The following PITPNM2 variants were observed in gnomAD, a reference collection of about 807,000 sequenced individuals.
The protein encoded by PITPNM2 is phosphatidylinositol transfer protein membrane associated 2.
PITPNM2 carries 35 observed loss-of-function variants against 132.2 expected under a neutral mutation model. That is an observed-to-expected ratio of 0.26 (90% CI 0.20 to 0.35). The LOEUF (loss-of-function observed/expected upper bound fraction) is 0.35, where lower values mean the gene tolerates loss of function less well. PITPNM2 is among the 10% of genes least tolerant of loss of function. The pLI, the probability that PITPNM2 is intolerant of heterozygous loss-of-function variation, is 1.00. For synonymous variants in PITPNM2, 738 were observed against 799.2 expected (o/e 0.92, Z 1.29); for missense variants, 1,332 against 1,912.0 (o/e 0.70, Z 5.66).
At position 123,052,723 on chromosome 12, in the gene PITPNM2, C is replaced by T; in HGVS notation, c.-95-18038G>A. On this transcript the variant is annotated intron_variant, in intron 2 of 25. Transcript: ENST00000320201. ...CTCCCTTCCATTCTTGGAATAAATC[C>T]TATTTGGTCATGCTGTAATAATATA... 1.3e-5 allele frequency among the ~76,000 whole-genome samples: 2 copies of T among 151,362 alleles called. 1 individual carries two copies. Among genetic ancestry groups the T allele is most frequent in the Non-Finnish European group, 2.9e-5 (2 of 67,926 alleles).
intron 2 of PITPNM2, among the ~76,000 whole-genome samples, chr12:123,057,320 C>T (rs1157702020): frequency 1.3e-5 from 2 of 148,542 alleles, no homozygotes; most frequent in African/African-American, 2.5e-5. Flanking sequence ...GCAGAAGTTG[C>T]GGTGAGCCGA....
At chr12:123,065,154 G>C (rs540823046) in intron 2 of PITPNM2, among the ~76,000 whole-genome samples, 6 of 152,374 alleles carry the variant, frequency 3.9e-5, no homozygotes, top group Non-Finnish European at 8.8e-5. Context: ...TGAGCCTGGA[G>C]CAGCTGCCTC....
At chr12:123,113,684 C>G (rs566805796) in intron 1 of PITPNM2, among the ~76,000 whole-genome samples, 11 of 148,866 alleles carry the variant, frequency 7.4e-5, no homozygotes, top group Admixed American at 3.4e-4. Flanking sequence ...CTGAGTGACA[C>G]AGCAAGACCA....
rs985641346 is a variant in PITPNM2 at position 123,078,007 on chromosome 12, C to G, written c.-96+32378G>C. ...GAGACAGAGGACACTGAGGAGCACG[C>G]GTGTCCCCAGGATGGGTGGACGGAG... On this transcript the variant is annotated intron_variant, in intron 2 of 25. Transcript: ENST00000320201. This position sits in a 1 kb window ranked among gnomAD's most constrained non-coding sequence, Gnocchi z 7.3. 6.6e-6 allele frequency among the ~76,000 whole-genome samples: 1 copy of G among 151,034 alleles called. No individual in the cohort carries two copies. The highest frequency in any genetic ancestry group is 1.5e-5 in the Non-Finnish European group (1 of 67,782).
At chr12:123,124,274 T>C (rs931013375) in intron 1 of PITPNM2, among the ~76,000 whole-genome samples, 2 of 150,170 alleles carry the variant, frequency 1.3e-5, no homozygotes, top group African/African-American at 4.9e-5. Flanking sequence ...AAAATAAAAA[T>C]ACAAAATATT....
chr12:123,039,410 G>A (rs1566261874), intron 2 of PITPNM2, among the ~76,000 whole-genome samples: 1 of 152,186 alleles, frequency 6.6e-6, no homozygotes. Flanking sequence ...GCAATTATGT[G>A]ATTGAACTGA....
chr12:122,985,863 T>TGAGGC lies in PITPNM2; in HGVS notation c.*159_*163dup. On this transcript the variant is annotated 3_prime_UTR_variant, in exon 26 of 26. Coordinates refer to ENST00000320201, the MANE Select transcript of PITPNM2 (RefSeq NM_020845.3). ...GCCGGACCCGTCAGGCCCGAGGACG[T>TGAGGC]GAGGCAGGGCAGGGAGCACTGTGTG... 1.6e-6 allele frequency: 1 copy of TGAGGC among 625,156 alleles called. No homozygotes were observed. Among genetic ancestry groups the TGAGGC allele is most frequent in the East Asian group, 3.6e-5 (1 of 28,052 alleles). The allele number at this position is 625,156 out of a possible 1,614,324, so 38.7% of individuals were successfully genotyped here. A position where few individuals can be genotyped will look rare whatever the true frequency, so the allele number is the denominator to read the frequency against.
chr12:123,005,547 T>A lies in PITPNM2; in HGVS notation c.645A>T (p.Gly215=), dbSNP rs752505944. 6.2e-7 allele frequency: 1 copy of A among 1,612,032 alleles called. No homozygotes were observed. Among genetic ancestry groups the A allele is most frequent in the East Asian group, 2.2e-5 (1 of 44,794 alleles). ...GAGCCCGCACCATCACCCTCCGTAG[T>A]CCTGTGCCCCATGGGGATCAGAGAG... ...SKIERFIHDT[G]LRRVMVRAHR... is the part of the protein sequence containing the mutation. Residue 215 remains glycine (G), a splice_region_variant and synonymous_variant, in exon 7 of 26, where the codon GGA becomes GGT. Transcript: ENST00000320201. This position sits in a 1 kb window ranked among gnomAD's most constrained non-coding sequence, Gnocchi z 6.2.
chr12:122,991,582 G>C (rs530332136), intron 16 of PITPNM2, among the ~76,000 whole-genome samples: 7 of 152,214 alleles, frequency 4.6e-5, no homozygotes, highest in Non-Finnish European at 8.8e-5. Context: ...ACAATATGCA[G>C]GGAGGAAGCA....
intron 2 of PITPNM2, among the ~76,000 whole-genome samples, chr12:123,061,779 C>T (rs998939064): frequency 1.3e-5 from 2 of 152,232 alleles, no homozygotes; most frequent in Non-Finnish European, 2.9e-5. Flanking sequence ...TGGCTGCTAG[C>T]AGGGTCCCCA....
In PITPNM2 at chr12:122,984,411, C is replaced by T. The variant is rs2037851710; in HGVS notation, c.*1616G>A. 6.6e-6 allele frequency: 1 copy of T among 152,654 alleles called. No individual in the cohort carries two copies. The highest frequency in any genetic ancestry group is 2.1e-4 in the South Asian group (1 of 4,840). The allele number at this position is 152,654 out of a possible 1,614,324, so 9.5% of individuals were successfully genotyped here. On this transcript the variant is annotated 3_prime_UTR_variant, in exon 26 of 26. Transcript: ENST00000320201. ...GGGGTCAGATATTGCACTTTCACTG[C>T]AACAGTTACATGAAAACTTGGTCCA...
At chr12:123,019,381 A>G (rs2039577548) in intron 3 of PITPNM2, among the ~76,000 whole-genome samples, 1 of 152,212 alleles carries the variant, frequency 6.6e-6, no homozygotes, top group African/African-American at 2.4e-5. Context: ...ACTTTTCTGT[A>G]TATATACAAC....
intron 2 of PITPNM2, among the ~76,000 whole-genome samples, chr12:123,056,407 C>T (rs2041028112): frequency 6.6e-6 from 1 of 152,218 alleles, no homozygotes; most frequent in South Asian, 2.1e-4. Flanking sequence ...CTATTTAGAG[C>T]TGCCCCAAAA....
chr12:123,134,178 C>T (rs2137582535), intron 1 of PITPNM2, among the ~76,000 whole-genome samples: 1 of 152,278 alleles, frequency 6.6e-6, no homozygotes, highest in Middle Eastern at 3.4e-3. Flanking sequence ...ATTCTCCTGC[C>T]TCAGTCTCCC....
chr12:123,065,939 A>G (rs1411699795), intron 2 of PITPNM2, among the ~76,000 whole-genome samples: 1 of 152,222 alleles, frequency 6.6e-6, no homozygotes, highest in Non-Finnish European at 1.5e-5. Context: ...TTCCCAGAGC[A>G]AGATTGTCTT....
chr12:123,143,988 G>A (rs186745053), intron 1 of PITPNM2, among the ~76,000 whole-genome samples: 9 of 152,278 alleles, frequency 5.9e-5, no homozygotes, highest in African/African-American at 2.2e-4. Flanking sequence ...CACTATCCAT[G>A]GATTCCATAT....
In PITPNM2 at chr12:123,108,462, A is replaced by G. The variant is rs545523694; in HGVS notation, c.-96+1923T>C. Among the ~76,000 whole-genome samples the G allele has an allele frequency of 6.6e-6, 1 of 152,202 alleles. No homozygotes were observed. The highest frequency in any genetic ancestry group is 6.5e-5 in the Admixed American group (1 of 15,290). On this transcript the variant is annotated intron_variant, in intron 2 of 25. Coordinates refer to ENST00000320201, the MANE Select transcript of PITPNM2 (RefSeq NM_020845.3). This position sits in a 1 kb window ranked among gnomAD's most constrained non-coding sequence, Gnocchi z 4.4. ...GGCCATGCAGGGCAGAAGAGCTCTC[A>G]CCGGGCCCTGCCTCGACTTGGCAGC...
chr12:123,101,679 C>T (rs2042566387), intron 2 of PITPNM2, among the ~76,000 whole-genome samples: 1 of 152,186 alleles, frequency 6.6e-6, no homozygotes, highest in African/African-American at 2.4e-5. Flanking sequence ...CATCTGGGAA[C>T]CAGCCCCCTA....
chr12:123,042,560 A>C (rs1468236587), intron 2 of PITPNM2, among the ~76,000 whole-genome samples: 1 of 152,202 alleles, frequency 6.6e-6, no homozygotes, highest in Non-Finnish European at 1.5e-5. Flanking sequence ...CTCCAAGCCA[A>C]GCCAGCGGGA....
Sources: allele counts gnomAD v4.1 joint callset (sites outside exome capture counted in the v4.1 genomes callset), GRCh38; gene constraint gnomAD v4.1.1; non-coding constraint Gnocchi (gnomAD v3.1); transcripts MANE v1.5; gene names NCBI Gene and HGNC (gene_info 2026-07-23, HGNC 2026-07-21).